Variants in MAPK10 observed in about 807,000 individuals in gnomAD.
MAPK10 encodes JNK3 alpha protein kinase.
In MAPK10, 25 loss-of-function variants were observed where a neutral mutation model predicts 59.3. The observed-to-expected ratio is 0.42, with a 90% CI of 0.31 to 0.59. The LOEUF is 0.59. MAPK10 is among the 20% of genes least tolerant of loss of function. The probability of loss-of-function intolerance (pLI) is 0.15; values close to 1 mark genes in which losing one functional copy is unlikely to be tolerated. For missense variants in MAPK10, 351 were observed against 568.9 expected (o/e 0.62, Z 3.90); for synonymous variants, 190 against 200.5 (o/e 0.95, Z 0.44).
intron 1 of MAPK10, among the ~76,000 whole-genome samples, chr4:86,574,001 C>T (rs1364670252): frequency 6.6e-6 from 1 of 152,112 alleles, no homozygotes; most frequent in Non-Finnish European, 1.5e-5. Context: ...CTGTGCTGCA[C>T]CCATTAACTC....
intron 1 of MAPK10, among the ~76,000 whole-genome samples, chr4:86,397,414 T>C (rs1231207232): frequency 6.6e-6 from 1 of 152,086 alleles, no homozygotes; most frequent in Non-Finnish European, 1.5e-5. Context: ...GTGAAGAAAA[T>C]GTGGCCACAT....
intron 4 of MAPK10, among the ~76,000 whole-genome samples, chr4:86,148,817 A>ACC (rs2065657525): frequency 6.6e-6 from 1 of 152,228 alleles, no homozygotes; most frequent in Non-Finnish European, 1.5e-5. Context: ...TAATTCATGG[A>ACC]CCAACGGCTT....
intron 13 of MAPK10, among the ~76,000 whole-genome samples, chr4:86,022,456 A>T (rs1747690019): frequency 6.6e-6 from 1 of 151,648 alleles, no homozygotes; most frequent in Non-Finnish European, 1.5e-5. Context: ...TCTTTTTATT[A>T]TTGAGTTGTA....
intron 4 of MAPK10, chr4:86,123,681 T>C (rs1020150655): frequency 6.6e-6 from 1 of 152,052 alleles, no homozygotes; most frequent in Non-Finnish European, 1.5e-5. Flanking sequence ...ATTATTTTCA[T>C]TTAATTCTGC....
chr4:86,409,814 G>A (rs1396574893), intron 1 of MAPK10, among the ~76,000 whole-genome samples: 2 of 152,030 alleles, frequency 1.3e-5, no homozygotes, highest in African/African-American at 2.4e-5. Context: ...CAGACAATGG[G>A]GTTTTCTCAA....
At chr4:86,073,372 G>T (rs544598006) in intron 9 of MAPK10, among the ~76,000 whole-genome samples, 62 of 151,754 alleles carry the variant, frequency 4.1e-4, no homozygotes, top group African/African-American at 1.4e-3. Context: ...CTTTTGAAGG[G>T]TTTTTTGTGT....
intron 1 of MAPK10, among the ~76,000 whole-genome samples, chr4:86,568,169 C>G (rs994276521): frequency 6.6e-6 from 1 of 152,006 alleles, no homozygotes; most frequent in East Asian, 1.9e-4. Flanking sequence ...AGCTGAGAAC[C>G]AAGTCAGAAC....
At chr4:86,438,450 G>C (rs1053353267) in intron 1 of MAPK10, among the ~76,000 whole-genome samples, 4 of 152,116 alleles carry the variant, frequency 2.6e-5, no homozygotes, top group Non-Finnish European at 5.9e-5. Context: ...AGCACTTTGG[G>C]AGGCCGAGGG....
At chr4:86,169,684 C>T (rs559641763) in intron 3 of MAPK10, among the ~76,000 whole-genome samples, 1 of 151,704 alleles carries the variant, frequency 6.6e-6, no homozygotes, top group Non-Finnish European at 1.5e-5. Flanking sequence ...GCAAGGCAGG[C>T]CAACATTCAG....
intron 4 of MAPK10, among the ~76,000 whole-genome samples, chr4:86,134,693 G>A (rs539804742): frequency 5.1e-4 from 78 of 152,284 alleles, no homozygotes; most frequent in Middle Eastern, 3.4e-3. Flanking sequence ...CAAGATGGCC[G>A]AATAGGAACA....
In MAPK10 at chr4:86,064,769, C is replaced by T. The variant is rs147504529; in HGVS notation, c.986-379G>A. On this transcript the variant is annotated intron_variant, in intron 10 of 13. Coordinates refer to ENST00000641462, the MANE Select transcript of MAPK10 (RefSeq NM_138982.4). The stretch of plus-strand genomic sequence containing the variant: ...GCATGATGTTCAACAAATGTGTGGA[C>T]GGCTGTTTGAAGTTAATCAACACGT... The T allele has an allele frequency of 1.4e-3, 243 of 168,570 alleles. 1 individual carries two copies. The highest frequency in any genetic ancestry group is 2.3e-3 in the Non-Finnish European group (182 of 79,050). 10.4% of individuals were successfully genotyped at this position (168,570 alleles called of 1,614,324 possible). A position where few individuals can be genotyped will look rare whatever the true frequency, so the allele number is the denominator to read the frequency against.
chr4:86,539,131 GA>G (rs2149094322), intron 1 of MAPK10, among the ~76,000 whole-genome samples: 1 of 152,090 alleles, frequency 6.6e-6, no homozygotes, highest in African/African-American at 2.4e-5. Context: ...TTCTAAGGAA[GA>G]AATTAGAAAT....
intron 4 of MAPK10, among the ~76,000 whole-genome samples, chr4:86,154,640 A>G (rs981577650): frequency 6.6e-6 from 1 of 152,096 alleles, no homozygotes; most frequent in Non-Finnish European, 1.5e-5. Flanking sequence ...TTATGTATCT[A>G]GCTTGTTTTG....
chr4:86,031,026 A>C (rs1425406332), intron 12 of MAPK10, among the ~76,000 whole-genome samples: 1 of 152,222 alleles, frequency 6.6e-6, no homozygotes, highest in African/African-American at 2.4e-5. Context: ...TGATGATTTT[A>C]TGTACAAACA....
At chr4:86,184,956 C>G (rs567647543) in intron 3 of MAPK10, among the ~76,000 whole-genome samples, 1 of 152,048 alleles carries the variant, frequency 6.6e-6, no homozygotes, top group African/African-American at 2.4e-5. Flanking sequence ...GAACAGGAGA[C>G]GATTCCAATG....
At chr4:86,145,395 C>G (rs899758868) in intron 4 of MAPK10, among the ~76,000 whole-genome samples, 6 of 151,066 alleles carry the variant, frequency 4.0e-5, no homozygotes, top group Admixed American at 1.3e-4. Flanking sequence ...ATTTCTATCT[C>G]TATTTGATGA....
At chr4:86,469,016 C>T (rs981640002) in intron 1 of MAPK10, among the ~76,000 whole-genome samples, 1 of 152,114 alleles carries the variant, frequency 6.6e-6, no homozygotes, top group Non-Finnish European at 1.5e-5. Flanking sequence ...TCTGGGAAAG[C>T]AAAGACTCAG....
At chr4:86,531,659 C>T (rs1481012851) in intron 1 of MAPK10, among the ~76,000 whole-genome samples, 1 of 152,076 alleles carries the variant, frequency 6.6e-6, no homozygotes. Flanking sequence ...TGAAAGTTAC[C>T]ACCAGGGGAA....
chr4:86,382,839 G>T (rs904091217), intron 1 of MAPK10, among the ~76,000 whole-genome samples: 1 of 152,122 alleles, frequency 6.6e-6, no homozygotes, highest in Admixed American at 6.5e-5. Flanking sequence ...AACGTGACAG[G>T]CAGTGGAGTA....
Sources: gnomAD v4.1 joint callset for allele counts (sites outside exome capture counted in the v4.1 genomes callset) on GRCh38, gnomAD v4.1.1 for gene constraint, MANE v1.5 for transcripts, NCBI Gene and HGNC (gene_info 2026-07-23, HGNC 2026-07-21) for gene names.